The following IFT70A variants were observed in gnomAD, a reference collection of about 807,000 sequenced individuals.
IFT70A encodes intraflagellar transport protein 70A.
the IFT70A span, chr2:177,618,025 C>A: frequency 1.2e-6 from 2 of 1,614,006 alleles, no homozygotes; most frequent in African/African-American, 1.3e-5. Flanking sequence ...CATGCCCACA[C>A]CTAGCTCAGG....
the IFT70A span, chr2:177,614,223 A>C: frequency 1.3e-5 from 2 of 152,166 alleles, no homozygotes; most frequent in South Asian, 4.1e-4. Context: ...ATGGCTAGTA[A>C]ATTAATTACC....
chr2:177,617,863 C>T, the IFT70A span: 5 of 1,614,226 alleles, frequency 3.1e-6, no homozygotes, highest in Admixed American at 6.7e-5. Context: ...TTCCTCTGCC[C>T]TGGGTGGCAT....
chr2:177,617,090 G>T, the IFT70A span: 1,407,314 of 1,612,824 alleles, frequency 0.87, 614,667 homozygotes, highest in East Asian at 0.99. Flanking sequence ...TACATTTTCC[G>T]ATTTGGGTCA....
chr2:177,614,952 T>C, the IFT70A span: 33 of 152,228 alleles, frequency 2.2e-4, no homozygotes, highest in African/African-American at 8.0e-4. Context: ...TTGTATTAAA[T>C]AAAACAAGAA....
chr2:177,614,234 G>A, the IFT70A span: 9 of 152,046 alleles, frequency 5.9e-5, no homozygotes, highest in South Asian at 2.1e-4. Context: ...ATTAATTACC[G>A]TTTGGCTAAT....
the IFT70A span, chr2:177,616,345 A>T: frequency 2.4e-5 from 4 of 167,854 alleles, no homozygotes; most frequent in Non-Finnish European, 5.1e-5. Flanking sequence ...ACCAAATGCA[A>T]ACATACCCGT....
the IFT70A span, chr2:177,617,144 A>G: frequency 1.2e-6 from 2 of 1,605,468 alleles, no homozygotes; most frequent in Non-Finnish European, 1.7e-6. Context: ...TTCCTCATCA[A>G]CTCCTCTGCT....
the IFT70A span, chr2:177,617,608 A>G: frequency 6.2e-7 from 1 of 1,614,240 alleles, no homozygotes; most frequent in Non-Finnish European, 8.5e-7. Flanking sequence ...GCAAGTGATC[A>G]GGGCATCTAA....
chr2:177,617,915 G>C, the IFT70A span: 2 of 1,614,144 alleles, frequency 1.2e-6, no homozygotes, highest in Non-Finnish European at 1.7e-6. Context: ...TTTCTCAGTT[G>C]GTATTCTATG....
At chr2:177,617,032 T>G in the IFT70A span, 22 of 1,613,490 alleles carry the variant, frequency 1.4e-5, no homozygotes, top group Admixed American at 3.3e-5. Context: ...ATAGTTTCCT[T>G]TGGCACAATA....
At chr2:177,618,185 C>T in the IFT70A span, 3 of 1,614,260 alleles carry the variant, frequency 1.9e-6, no homozygotes, top group East Asian at 4.5e-5. Flanking sequence ...TTGGAGCATG[C>T]AGCTTCATAC....
At chr2:177,616,603 T>A in the IFT70A span, 1 of 1,138,912 alleles carries the variant, frequency 8.8e-7, no homozygotes, top group African/African-American at 1.6e-5. Context: ...GTGGATAAGA[T>A]TCAAAATAAG....
At chr2:177,614,689 G>C in the IFT70A span, 1 of 152,108 alleles carries the variant, frequency 6.6e-6, no homozygotes, top group African/African-American at 2.4e-5. Flanking sequence ...AGCTATCAGA[G>C]AAAAATGTCC....
the IFT70A span, chr2:177,617,660 G>A: frequency 6.2e-7 from 1 of 1,614,180 alleles, no homozygotes; most frequent in Admixed American, 1.7e-5. Context: ...TACGTCAAAT[G>A]GGCATTTTCT....
the IFT70A span, chr2:177,614,117 A>C: frequency 2.0e-5 from 3 of 152,174 alleles, no homozygotes; most frequent in Non-Finnish European, 2.9e-5. Flanking sequence ...TGATTTAATT[A>C]AACAACCAAA....
the IFT70A span, chr2:177,618,624 G>C: frequency 6.2e-7 from 1 of 1,609,784 alleles, no homozygotes; most frequent in Non-Finnish European, 8.5e-7. Context: ...CCTCGGCGTA[G>C]CGGGCATCGC....
chr2:177,618,516 C>A, the IFT70A span: 2 of 1,587,552 alleles, frequency 1.3e-6, no homozygotes, highest in South Asian at 1.1e-5. Flanking sequence ...CGGCCGCCAG[C>A]GCGAACTCCT....
chr2:177,614,277 T>G, the IFT70A span: 5 of 152,214 alleles, frequency 3.3e-5, no homozygotes, highest in Non-Finnish European at 7.4e-5. Flanking sequence ...AAAATGATTA[T>G]AGATTACAGT....
chr2:177,617,883 G>C, the IFT70A span: 1 of 1,614,190 alleles, frequency 6.2e-7, no homozygotes, highest in East Asian at 2.2e-5. Flanking sequence ...TGTCGGTGAG[G>C]GTTTCTTGAG....
Sources: gnomAD v4.1 joint callset for allele counts on GRCh38, gnomAD v4.1.1 for gene constraint, MANE v1.5 for transcripts, NCBI Gene and HGNC (gene_info 2026-07-23, HGNC 2026-07-21) for gene names.